The following ENPEP variants were observed in gnomAD, a reference collection of about 807,000 sequenced individuals.
The protein encoded by ENPEP is glutamyl aminopeptidase, also known as AP-A.
In ENPEP, 103 loss-of-function variants were observed where a neutral mutation model predicts 114.5. The observed-to-expected ratio is 0.90, with a 90% CI of 0.77 to 1.06. The LOEUF (loss-of-function observed/expected upper bound fraction) is 1.06. ENPEP is among the 50% of genes least tolerant of loss of function. ENPEP has a pLI of 0.00. For synonymous variants in ENPEP, 420 were observed against 422.0 expected (o/e 1.00, Z 0.06); for missense variants, 1,196 against 1,161.3 (o/e 1.03, Z -0.43).
intron 18 of ENPEP, among the ~76,000 whole-genome samples, chr4:110,559,385 A>C (rs1005364973): frequency 2.0e-5 from 3 of 152,086 alleles, no homozygotes; most frequent in African/African-American, 7.2e-5. Context: ...AGAAAAAAAA[A>C]AAACAGATTT....
chr4:110,488,730 C>A, intron 2 of ENPEP, 48 bp downstream of exon 2: 2 of 1,558,208 alleles, frequency 1.3e-6, no homozygotes, highest in Non-Finnish European at 8.7e-7. Flanking sequence ...CTGTTGACAA[C>A]ATTAGGCCAG....
chr4:110,542,497 A>G, intron 11 of ENPEP, among the ~76,000 whole-genome samples: 1 of 152,108 alleles, frequency 6.6e-6, no homozygotes, highest in East Asian at 1.9e-4. Flanking sequence ...TTCTGCCAGT[A>G]AAAACTATCC....
chr4:110,518,205 C>T (rs976301466), intron 8 of ENPEP, among the ~76,000 whole-genome samples: 20 of 152,184 alleles, frequency 1.3e-4, no homozygotes, highest in South Asian at 4.1e-4. Flanking sequence ...TAAGGCTATA[C>T]ATGTACATAA....
At chr4:110,538,796 A>G (rs1726741002) in intron 11 of ENPEP, among the ~76,000 whole-genome samples, 1 of 152,156 alleles carries the variant, frequency 6.6e-6, no homozygotes, top group Admixed American at 6.6e-5. Flanking sequence ...AGGCCATTGA[A>G]GAATGATTGA....
rs1416309270 is a variant in ENPEP, at chr4:110,562,898, G to A, written c.*1340G>A. 1.3e-5 allele frequency: 2 copies of A among 152,168 alleles called. No individual in the cohort carries two copies. Among genetic ancestry groups the A allele is most frequent in the South Asian group, 2.1e-4 (1 of 4,822 alleles). 9.4% of individuals were successfully genotyped at this position (152,168 alleles called of 1,614,324 possible). A position where few individuals can be genotyped will look rare whatever the true frequency, so the allele number is the denominator to read the frequency against. The stretch of plus-strand genomic sequence containing the variant: ...TGAAGCATATGGAAACAAAACCTTA[G>A]CTTTAACTTTATTTATACAATAATG... On this transcript the variant is annotated 3_prime_UTR_variant, in exon 20 of 20. Transcript: ENST00000265162.
chr4:110,476,741 G>A lies in ENPEP; in HGVS notation c.327G>A (p.Leu109=), dbSNP rs139191077. The change falls in exon 1 of 20, where the codon CTG becomes CTA. Residue 109 remains leucine, a synonymous_variant. Transcript: ENST00000265162. Reference sequence around the variant, plus strand: ...ACTACGACCTGCACGTGAAGCCCCTGTTGGAGGAGGACACCTACACGGGCA... The same window carrying A: ...ACTACGACCTGCACGTGAAGCCCCTATTGGAGGAGGACACCTACACGGGCA... ...PVHYDLHVKP[L]LEEDTYTGTV... The A allele has an allele frequency of 6.8e-6, 11 of 1,614,026 alleles. No individual in the cohort carries two copies. The highest frequency in any genetic ancestry group is 3.3e-5 in the Admixed American group (2 of 60,012).
intron 18 of ENPEP, among the ~76,000 whole-genome samples, chr4:110,556,939 TGAA>T (rs1388639500): frequency 1.3e-5 from 2 of 152,190 alleles, no homozygotes; most frequent in African/African-American, 4.8e-5. Flanking sequence ...TCTGTCGTCA[TGAA>T]GCTTTGAGTA....
At chr4:110,482,156 A>G (rs1282320843) in intron 1 of ENPEP, among the ~76,000 whole-genome samples, 1 of 152,218 alleles carries the variant, frequency 6.6e-6, no homozygotes, top group Non-Finnish European at 1.5e-5. Flanking sequence ...CCACTTGGAT[A>G]TATGAAAGAT....
rs1044179119 is a variant in ENPEP, at chr4:110,564,219, G to A, written c.*2661G>A. On this transcript the variant is annotated 3_prime_UTR_variant, in exon 20 of 20. Transcript: ENST00000265162. ...TTTAGAGTGGATAAATTGAGATGGA[G>A]AAGTTATAGAACTTGCACAAGGCTA... is the stretch of plus-strand genomic sequence containing the variant. The A allele has an allele frequency of 6.6e-6, 1 of 152,108 alleles. No individual in the cohort carries two copies. The highest frequency in any genetic ancestry group is 1.5e-5 in the Non-Finnish European group (1 of 68,024). 9.4% of individuals were successfully genotyped at this position (152,108 alleles called of 1,614,324 possible).
At chr4:110,499,700 A>G (rs1471232732) in intron 3 of ENPEP, among the ~76,000 whole-genome samples, 1 of 152,192 alleles carries the variant, frequency 6.6e-6, no homozygotes, top group Non-Finnish European at 1.5e-5. Context: ...AAGATTTTTG[A>G]AAAACTCTTA....
At chr4:110,531,670 T>C (rs1169995371) in intron 11 of ENPEP, among the ~76,000 whole-genome samples, 1 of 152,144 alleles carries the variant, frequency 6.6e-6, no homozygotes, top group African/African-American at 2.4e-5. Context: ...CCCATTAAAT[T>C]AGACCATTTT....
At position 110,488,595 on chromosome 4, in the gene ENPEP, T is replaced by G. The variant is rs769524604; in HGVS notation, c.699T>G (p.Cys233Trp). Residue 233 changes from cysteine to tryptophan, a missense_variant, in exon 2 of 20, where the codon TGT becomes TGG. Cys to Trp is a radical substitution (Grantham distance 215). Transcript: ENST00000265162. ...CAGATGCCAGGAAATCTTTTCCTTG[T>G]TTTGATGAGCCCAACAAAAAGGCAA... ...EPTDARKSFP[C>W]FDEPNKKATY... is the part of the protein sequence containing the mutation. 4 of 1,613,880 alleles carry G rather than the reference T, an allele frequency of 2.5e-6. No homozygotes were observed. The highest frequency in any genetic ancestry group is 3.4e-6 in the Non-Finnish European group (4 of 1,179,980).
intron 17 of ENPEP, among the ~76,000 whole-genome samples, chr4:110,552,647 G>A (rs1213288141): frequency 6.6e-6 from 1 of 152,086 alleles, no homozygotes; most frequent in East Asian, 1.9e-4. Context: ...AATGTGTGCT[G>A]ACCTTTTTTG....
intron 11 of ENPEP, among the ~76,000 whole-genome samples, chr4:110,542,129 C>T (rs1258678867): frequency 6.6e-6 from 1 of 152,020 alleles, no homozygotes; most frequent in Non-Finnish European, 1.5e-5. Context: ...ATTGGAAGAA[C>T]AAGTGTGAAG....
chr4:110,509,783 G>A lies in ENPEP; in HGVS notation c.1170G>A (p.Val390=). The A allele has an allele frequency of 3.1e-6, 5 of 1,613,748 alleles. No homozygotes were observed. Among genetic ancestry groups the A allele is most frequent in the Non-Finnish European group, 4.2e-6 (5 of 1,179,926 alleles). Residue 390 remains valine (V), a synonymous_variant, in exon 5 of 20, where the codon GTG becomes GTA. Transcript: ENST00000265162. ...CAAACCAACAGAGGGTGGCCACTGTGGTTGCCCATGAACTTGTGCATCAGG... is the reference window on the plus strand; with the variant it reads ...CAAACCAACAGAGGGTGGCCACTGTAGTTGCCCATGAACTTGTGCATCAGG... ...ASSNQQRVAT[V]VAHELVHQWF...
intron 7 of ENPEP, among the ~76,000 whole-genome samples, chr4:110,514,136 C>T (rs533628779): frequency 6.6e-6 from 1 of 152,132 alleles, no homozygotes; most frequent in South Asian, 2.1e-4. Context: ...CATATAGTCT[C>T]TCCTTCAAAC....
intron 4 of ENPEP, among the ~76,000 whole-genome samples, 166 bp downstream of exon 4, chr4:110,506,923 C>G (rs1379280834): frequency 6.6e-6 from 1 of 152,136 alleles, no homozygotes; most frequent in Non-Finnish European, 1.5e-5. Context: ...CCTCGGCCTC[C>G]CAAAATGCTA....
chr4:110,514,260 A>G (rs1725681046), intron 7 of ENPEP, among the ~76,000 whole-genome samples: 1 of 151,978 alleles, frequency 6.6e-6, no homozygotes, highest in Admixed American at 6.5e-5. Flanking sequence ...GCATGCTAAT[A>G]CATTTTGTTA....
At chr4:110,514,872 A>T (rs1014222183) in intron 7 of ENPEP, among the ~76,000 whole-genome samples, 9 of 152,138 alleles carry the variant, frequency 5.9e-5, no homozygotes, top group African/African-American at 1.9e-4. Context: ...GAGAAGAGAA[A>T]GATTATATGC....
Sources: gnomAD v4.1 joint callset for allele counts (sites outside exome capture counted in the v4.1 genomes callset) on GRCh38, gnomAD v4.1.1 for gene constraint, MANE v1.5 for transcripts, NCBI Gene and HGNC (gene_info 2026-07-23, HGNC 2026-07-21) for gene names.